Variants in NALF1 observed in about 807,000 individuals in gnomAD.
NALF1 encodes family with sequence similarity 155 member A.
In NALF1, 3 loss-of-function variants were observed where a neutral mutation model predicts 48.4. The observed-to-expected ratio is 0.06, with a 90% CI of 0.03 to 0.16. The LOEUF is 0.16. Among genes scored for constraint, NALF1 ranks in the 10% least tolerant of loss-of-function variants. The pLI is 1.00. For synonymous variants in NALF1, 262 were observed against 245.7 expected (o/e 1.07, Z -0.62); for missense variants, 526 against 571.5 (o/e 0.92, Z 0.81).
intron 1 of NALF1, among the ~76,000 whole-genome samples, chr13:107,446,159 G>A (rs111735087): frequency 0.22 from 32,697 of 151,996 alleles, 4,015 homozygotes; most frequent in East Asian, 0.33. Context: ...GGATGGTCTC[G>A]ATCTCTTGAC....
chr13:107,609,918 G>T (rs897991059), intron 1 of NALF1, among the ~76,000 whole-genome samples: 3 of 151,748 alleles, frequency 2.0e-5, no homozygotes, highest in Admixed American at 2.0e-4. Context: ...ATTTTAAAAG[G>T]GGAAAAATAG....
At chr13:107,204,963 T>A (rs1358177273) in intron 2 of NALF1, among the ~76,000 whole-genome samples, 1 of 152,148 alleles carries the variant, frequency 6.6e-6, no homozygotes, top group Non-Finnish European at 1.5e-5. Context: ...AGAGGTATTT[T>A]TTTTTTCTAC....
chr13:107,835,675 T>C (rs9520595), intron 1 of NALF1, among the ~76,000 whole-genome samples: 66,584 of 152,048 alleles, frequency 0.44, 18,048 homozygotes, highest in Non-Finnish European at 0.62. Flanking sequence ...ACCACATTTC[T>C]GAAGTATATT....
intron 1 of NALF1, among the ~76,000 whole-genome samples, chr13:107,622,219 A>G (rs978774766): frequency 6.6e-6 from 1 of 152,080 alleles, no homozygotes; most frequent in Non-Finnish European, 1.5e-5. Context: ...ATCTAAGGTC[A>G]GGAGTTCAAG....
intron 1 of NALF1, among the ~76,000 whole-genome samples, chr13:107,768,967 A>C (rs1003834863): frequency 2.6e-5 from 4 of 152,096 alleles, no homozygotes; most frequent in African/African-American, 7.2e-5. Flanking sequence ...CATCAGAGAA[A>C]TGCAAATCAA....
chr13:107,611,362 C>A (rs9559098), intron 1 of NALF1, among the ~76,000 whole-genome samples: 3 of 152,250 alleles, frequency 2.0e-5, no homozygotes, highest in South Asian at 4.1e-4. Context: ...TCCAAACAAA[C>A]TGAAAACAGG....
chr13:107,340,676 A>G (rs1459354454), intron 1 of NALF1, among the ~76,000 whole-genome samples: 4 of 151,848 alleles, frequency 2.6e-5, no homozygotes, highest in Non-Finnish European at 5.9e-5. Flanking sequence ...ATTCAACTCC[A>G]CTGTCTCCTT....
At chr13:107,351,967 C>T (rs1566493031) in intron 1 of NALF1, among the ~76,000 whole-genome samples, 2 of 152,138 alleles carry the variant, frequency 1.3e-5, no homozygotes, top group Non-Finnish European at 2.9e-5. Context: ...TGGCTAAGTA[C>T]CGTATCAACA....
Position 107,362,012 on chromosome 13 carries a change from C to T in NALF1, c.916-151257G>A, listed in dbSNP as rs566854044. ...CTTGTTCTGAGATGTTCTGGGATGGCACCATCATAAACTGGGTCCCTGAGA... is the reference window on the plus strand; with the variant it reads ...CTTGTTCTGAGATGTTCTGGGATGGTACCATCATAAACTGGGTCCCTGAGA... On this transcript the variant is annotated intron_variant, in intron 1 of 2. Transcript: ENST00000375915. The surrounding 1 kb of genome is among the most constrained non-coding windows in gnomAD (Gnocchi z 4.6). 6.6e-6 allele frequency among the ~76,000 whole-genome samples: 1 copy of T among 152,098 alleles called. No individual in the cohort carries two copies. Among genetic ancestry groups the T allele is most frequent in the Non-Finnish European group, 1.5e-5 (1 of 68,024 alleles).
chr13:107,505,012 T>C (rs78056606), intron 1 of NALF1, among the ~76,000 whole-genome samples: 5,240 of 152,264 alleles, frequency 0.034, 141 homozygotes, highest in East Asian at 0.071. Flanking sequence ...AGACAGTGCA[T>C]AGATAGACCA....
Position 107,165,590 on chromosome 13 carries a change from G to A in NALF1, c.*4907C>T, listed in dbSNP as rs1878641013. On this transcript the variant is annotated 3_prime_UTR_variant, in exon 3 of 3. Coordinates refer to ENST00000375915, the MANE Select transcript of NALF1 (RefSeq NM_001080396.3). ...TTTCATGCCTTAAGTTTTATTCCAA[G>A]GCTAAGAAGATTATCTATACATTTT... The A allele has an allele frequency of 6.6e-6, 1 of 152,138 alleles. No individual in the cohort carries two copies. Among genetic ancestry groups the A allele is most frequent in the South Asian group, 2.1e-4 (1 of 4,832 alleles). 9.4% of individuals were successfully genotyped at this position (152,138 alleles called of 1,614,324 possible).
intron 1 of NALF1, among the ~76,000 whole-genome samples, chr13:107,217,023 C>T (rs1329461855): frequency 6.6e-6 from 1 of 152,202 alleles, no homozygotes; most frequent in Non-Finnish European, 1.5e-5. Context: ...CAAAGGAAAA[C>T]GTGTCCTAAC....
At chr13:107,250,815 C>T (rs934977625) in intron 1 of NALF1, among the ~76,000 whole-genome samples, 1 of 152,082 alleles carries the variant, frequency 6.6e-6, no homozygotes, top group African/African-American at 2.4e-5. Context: ...CAGACTTCCC[C>T]CTTGCTATTC....
intron 1 of NALF1, among the ~76,000 whole-genome samples, chr13:107,856,552 A>G (rs816996): frequency 0.068 from 10,332 of 152,180 alleles, 836 homozygotes; most frequent in African/African-American, 0.2. Context: ...AATTATTCTC[A>G]CTGATAACAT....
chr13:107,819,571 C>A (rs773678543), intron 1 of NALF1, among the ~76,000 whole-genome samples: 1 of 152,152 alleles, frequency 6.6e-6, no homozygotes, highest in Non-Finnish European at 1.5e-5. Context: ...AAATATTAAT[C>A]ACTTCCCATT....
At chr13:107,773,725 G>T in intron 1 of NALF1, among the ~76,000 whole-genome samples, 1 of 19,154 alleles carries the variant, frequency 5.2e-5, no homozygotes, top group Non-Finnish European at 9.2e-5. Flanking sequence ...ACCAGGGACT[G>T]TTGTGGGGTG....
chr13:107,719,391 T>C (rs1192906773), intron 1 of NALF1, among the ~76,000 whole-genome samples: 1 of 152,218 alleles, frequency 6.6e-6, no homozygotes, highest in African/African-American at 2.4e-5. Flanking sequence ...AAGTCTCCTG[T>C]TTCTACTAAT....
intron 2 of NALF1, among the ~76,000 whole-genome samples, chr13:107,197,894 T>A (rs968291905): frequency 2.0e-5 from 3 of 152,182 alleles, no homozygotes; most frequent in African/African-American, 7.2e-5. Context: ...AGAAACCAAT[T>A]TTCCTGGTAA....
At chr13:107,494,549 G>A (rs961021033) in intron 1 of NALF1, among the ~76,000 whole-genome samples, 1 of 152,168 alleles carries the variant, frequency 6.6e-6, no homozygotes, top group Admixed American at 6.6e-5. Context: ...ACCATGATTT[G>A]TGGTCCAAAC....
Sources: gnomAD v4.1 joint callset for allele counts (sites outside exome capture counted in the v4.1 genomes callset) on GRCh38, gnomAD v4.1.1 for gene constraint, Gnocchi (gnomAD v3.1) non-coding constraint, MANE v1.5 for transcripts, NCBI Gene and HGNC (gene_info 2026-07-23, HGNC 2026-07-21) for gene names.